Variants in CCDC148 observed in about 807,000 individuals in gnomAD.
CCDC148 encodes the protein coiled-coil domain-containing protein 148.
CCDC148 carries 89 observed loss-of-function variants against 85.7 expected under a neutral mutation model. That is an observed-to-expected ratio of 1.04 (90% CI 0.87 to 1.24). The LOEUF (loss-of-function observed/expected upper bound fraction) is 1.24, where lower values mean the gene tolerates loss of function less well. CCDC148 is among the 50% of genes most tolerant of loss of function. The pLI is 0.00. For missense variants in CCDC148, 692 were observed against 671.7 expected, an observed-to-expected ratio of 1.03 and a Z score of -0.33; for synonymous variants, 230 against 213.9, an observed-to-expected ratio of 1.08 and a Z score of -0.66.
intron 9 of CCDC148, among the ~76,000 whole-genome samples, chr2:158,309,020 T>C (rs899303408): frequency 6.6e-6 from 1 of 152,210 alleles, no homozygotes; most frequent in Non-Finnish European, 1.5e-5. Context: ...ATGTATTTCA[T>C]CATAAAGCCT....
chr2:158,268,024 T>G (rs1689545573), intron 9 of CCDC148, among the ~76,000 whole-genome samples: 1 of 152,214 alleles, frequency 6.6e-6, no homozygotes, highest in Admixed American at 6.5e-5. Context: ...TGTTTCCAGT[T>G]TTTGATGATC....
chr2:158,332,720 G>A (rs1693202821), intron 7 of CCDC148, among the ~76,000 whole-genome samples: 1 of 151,844 alleles, frequency 6.6e-6, no homozygotes, highest in South Asian at 2.1e-4. Flanking sequence ...ACTTGTTATT[G>A]GTCTACTCAG....
chr2:158,202,828 C>T (rs73011455), intron 11 of CCDC148, among the ~76,000 whole-genome samples: 8,799 of 152,198 alleles, frequency 0.058, 294 homozygotes, highest in East Asian at 0.16. Flanking sequence ...AGGCAGAGGG[C>T]CAGATATGGA....
At chr2:158,257,680 T>C (rs561361122) in intron 9 of CCDC148, among the ~76,000 whole-genome samples, 1 of 151,972 alleles carries the variant, frequency 6.6e-6, no homozygotes, top group Admixed American at 6.6e-5. Context: ...GCTTTTCATT[T>C]TCTGTGGCCT....
intron 1 of CCDC148, among the ~76,000 whole-genome samples, chr2:158,360,034 C>G (rs1683862678): frequency 6.6e-6 from 1 of 152,206 alleles, no homozygotes; most frequent in Non-Finnish European, 1.5e-5. Flanking sequence ...GCGGTTTCCC[C>G]CTCACAGTGT....
chr2:158,445,709 G>C (rs1688129855), intron 1 of CCDC148, among the ~76,000 whole-genome samples: 1 of 151,922 alleles, frequency 6.6e-6, no homozygotes, highest in Admixed American at 6.6e-5. Context: ...CACTTTTGAG[G>C]ATATATTTCC....
In CCDC148 at chr2:158,276,084, C is replaced by A. The variant is rs765690283; in HGVS notation, c.1111-25172G>T. 3.9e-5 allele frequency among the ~76,000 whole-genome samples: 6 copies of A among 151,980 alleles called. No homozygotes were observed. The South Asian group carries it at 8.3e-4, about 21-fold the overall frequency. On this transcript the variant is annotated intron_variant, in intron 9 of 13. Transcript: ENST00000283233. ...TCTAAGTTATTTATATGACTTGGAGCTTTTCAAGAGTCTTCTCAGGTCAGG... is the reference window on the plus strand; with the variant it reads ...TCTAAGTTATTTATATGACTTGGAGATTTTCAAGAGTCTTCTCAGGTCAGG...
At chr2:158,190,231 G>C (rs1449976228) in intron 11 of CCDC148, among the ~76,000 whole-genome samples, 1 of 151,892 alleles carries the variant, frequency 6.6e-6, no homozygotes, top group Non-Finnish European at 1.5e-5. Context: ...GACTTGCTAG[G>C]ATCATGATTT....
At chr2:158,411,199 T>C (rs1686244188) in intron 1 of CCDC148, among the ~76,000 whole-genome samples, 1 of 152,156 alleles carries the variant, frequency 6.6e-6, no homozygotes. Context: ...GTCCTTTGGG[T>C]TTCTAAAATC....
At chr2:158,445,828 A>T (rs918847131) in intron 1 of CCDC148, among the ~76,000 whole-genome samples, 1 of 152,146 alleles carries the variant, frequency 6.6e-6, no homozygotes, top group Non-Finnish European at 1.5e-5. Context: ...TAGTATGGAC[A>T]TATGTAGTAT....
intron 1 of CCDC148, among the ~76,000 whole-genome samples, chr2:158,366,433 T>C (rs1684206740): frequency 6.9e-6 from 1 of 145,360 alleles, no homozygotes; most frequent in Non-Finnish European, 1.6e-5. Context: ...ACTACTTCTA[T>C]TACAAGTAAT....
At chr2:158,270,800 G>T (rs764290169) in intron 9 of CCDC148, among the ~76,000 whole-genome samples, 142 of 152,234 alleles carry the variant, frequency 9.3e-4, no homozygotes, top group Non-Finnish European at 1.6e-3. Flanking sequence ...TGTTACCAGG[G>T]GGGAGTACTT....
intron 1 of CCDC148, among the ~76,000 whole-genome samples, chr2:158,444,583 C>T (rs572625512): frequency 3.2e-4 from 49 of 151,382 alleles, no homozygotes; most frequent in Non-Finnish European, 5.6e-4. Context: ...GAGCTCAAGA[C>T]CAGCCTGAGC....
chr2:158,451,644 A>G (rs896929929), intron 1 of CCDC148, among the ~76,000 whole-genome samples: 1 of 152,172 alleles, frequency 6.6e-6, no homozygotes, highest in African/African-American at 2.4e-5. Flanking sequence ...TCAACTTGAA[A>G]GGATGAGAAC....
chr2:158,182,586 G>T (rs1163144779), intron 11 of CCDC148, among the ~76,000 whole-genome samples: 1 of 152,064 alleles, frequency 6.6e-6, no homozygotes, highest in East Asian at 1.9e-4. Flanking sequence ...GAGACAAGGC[G>T]GAGCTGGAGG....
At chr2:158,240,411 G>T (rs1688296532) in intron 10 of CCDC148, among the ~76,000 whole-genome samples, 2 of 142,622 alleles carry the variant, frequency 1.4e-5, no homozygotes, top group South Asian at 2.4e-4. Context: ...TGTCTAACTG[G>T]GATCCAGTTA....
At chr2:158,284,808 G>A (rs570229877) in intron 9 of CCDC148, among the ~76,000 whole-genome samples, 2 of 152,236 alleles carry the variant, frequency 1.3e-5, no homozygotes, top group Admixed American at 6.5e-5. Context: ...CAGAACCAGC[G>A]AAAACAAAAG....
chr2:158,196,446 C>A (rs1348023525), intron 11 of CCDC148, among the ~76,000 whole-genome samples: 1 of 152,114 alleles, frequency 6.6e-6, no homozygotes, highest in African/African-American at 2.4e-5. Flanking sequence ...TTCTCCTCCC[C>A]CCAGCCAGTT....
intron 1 of CCDC148, among the ~76,000 whole-genome samples, chr2:158,370,094 A>G (rs889386023): frequency 3.3e-5 from 5 of 152,094 alleles, no homozygotes; most frequent in African/African-American, 9.7e-5. Flanking sequence ...TTTTACATCA[A>G]TATTCATCAG....
Sources: gnomAD v4.1 joint callset for allele counts (sites outside exome capture counted in the v4.1 genomes callset) on GRCh38, gnomAD v4.1.1 for gene constraint, MANE v1.5 for transcripts, NCBI Gene and HGNC (gene_info 2026-07-23, HGNC 2026-07-21) for gene names.